TAS2R1: variants seen among roughly 807,000 people sequenced by gnomAD.
TAS2R1 encodes taste receptor type 2 member 1.
For synonymous variants in TAS2R1, 141 were observed against 134.2 expected (o/e 1.05, Z -0.35); for missense variants, 370 against 353.4 (o/e 1.05, Z -0.38).
chr5:9,782,363 T>A, the TAS2R1 span, among the ~76,000 whole-genome samples: 1 of 148,044 alleles, frequency 6.8e-6, no homozygotes, highest in East Asian at 2.0e-4. Context: ...AGCCACAGTA[T>A]CCAGTTTACT....
At chr5:9,848,727 T>TAC in the TAS2R1 span, among the ~76,000 whole-genome samples, 1 of 110,672 alleles carries the variant, frequency 9.0e-6, no homozygotes, top group Non-Finnish European at 2.0e-5. Context: ...ATTTGTCAAT[T>TAC]ATATATATAT....
intron 1 of TAS2R1, among the ~76,000 whole-genome samples, chr5:9,698,811 C>T (rs1157928432): frequency 6.6e-6 from 1 of 152,212 alleles, no homozygotes; most frequent in Non-Finnish European, 1.5e-5. Context: ...ACACCAGAAA[C>T]TTCACGAAAG....
the TAS2R1 span, among the ~76,000 whole-genome samples, chr5:9,761,249 T>G: frequency 6.6e-6 from 1 of 152,232 alleles, no homozygotes; most frequent in African/African-American, 2.4e-5. Context: ...CTCTGAGAAT[T>G]AATAAGCCTC....
chr5:9,697,817 G>A (rs1025508857), intron 1 of TAS2R1, among the ~76,000 whole-genome samples: 1 of 151,812 alleles, frequency 6.6e-6, no homozygotes, highest in African/African-American at 2.4e-5. Flanking sequence ...AGACATTCTG[G>A]TTAAAATCAG....
At chr5:9,827,894 T>C in the TAS2R1 span, among the ~76,000 whole-genome samples, 1 of 152,228 alleles carries the variant, frequency 6.6e-6, no homozygotes, top group East Asian at 1.9e-4. Flanking sequence ...TACTTATATT[T>C]CAAACAAATT....
intron 1 of TAS2R1, among the ~76,000 whole-genome samples, chr5:9,711,049 T>C (rs1741725696): frequency 6.6e-6 from 1 of 150,950 alleles, no homozygotes; most frequent in Non-Finnish European, 1.5e-5. Context: ...CCTTGTGCAT[T>C]GTTGATGGGA....
chr5:9,802,844 A>G, the TAS2R1 span, among the ~76,000 whole-genome samples: 10 of 152,314 alleles, frequency 6.6e-5, no homozygotes, highest in African/African-American at 1.9e-4. Context: ...CAGAGCTTGC[A>G]GTGAGCCGAG....
chr5:9,637,718 T>C (rs924936279), intron 2 of TAS2R1, among the ~76,000 whole-genome samples: 1 of 152,166 alleles, frequency 6.6e-6, no homozygotes, highest in Non-Finnish European at 1.5e-5. Context: ...TTCTGTTCTA[T>C]ATTTAAAATT....
the TAS2R1 span, among the ~76,000 whole-genome samples, chr5:9,843,153 C>A: frequency 2.0e-5 from 3 of 152,108 alleles, no homozygotes; most frequent in South Asian, 4.1e-4. Context: ...AAGTAGCTCA[C>A]AGAATGTTGG....
intron 1 of TAS2R1, among the ~76,000 whole-genome samples, chr5:9,674,139 T>C (rs998557146): frequency 8.5e-5 from 13 of 152,190 alleles, no homozygotes; most frequent in African/African-American, 2.2e-4. Flanking sequence ...CATAGACATA[T>C]ATGTAACAAA....
chr5:9,842,928 T>C, the TAS2R1 span, among the ~76,000 whole-genome samples: 1 of 152,122 alleles, frequency 6.6e-6, no homozygotes, highest in African/African-American at 2.4e-5. Flanking sequence ...ACAAATAGCT[T>C]GAGGAAGAAA....
the TAS2R1 span, among the ~76,000 whole-genome samples, chr5:9,776,775 A>G: frequency 6.6e-6 from 1 of 152,188 alleles, no homozygotes; most frequent in Non-Finnish European, 1.5e-5. Flanking sequence ...ACAGTCGTCT[A>G]TGTTGACACA....
chr5:9,725,807 C>G, the TAS2R1 span, among the ~76,000 whole-genome samples: 2 of 152,224 alleles, frequency 1.3e-5, no homozygotes, highest in South Asian at 4.1e-4. Context: ...CTGGTGGGGA[C>G]GTGGAGAACC....
the TAS2R1 span, among the ~76,000 whole-genome samples, chr5:9,796,393 C>T: frequency 6.6e-6 from 1 of 152,128 alleles, no homozygotes; most frequent in Non-Finnish European, 1.5e-5. Flanking sequence ...CCTATAGCTT[C>T]AGGGTAGGGA....
At chr5:9,854,115 G>C in the TAS2R1 span, among the ~76,000 whole-genome samples, 5 of 152,136 alleles carry the variant, frequency 3.3e-5, no homozygotes, top group Non-Finnish European at 5.9e-5. Context: ...AGACTGTGAG[G>C]GAGAATCTGC....
chr5:9,898,229 A>G, the TAS2R1 span, among the ~76,000 whole-genome samples: 1 of 152,198 alleles, frequency 6.6e-6, no homozygotes, highest in African/African-American at 2.4e-5. Context: ...TCCTATTATC[A>G]GTGGGGAAAA....
the TAS2R1 span, among the ~76,000 whole-genome samples, chr5:9,805,987 T>C: frequency 6.6e-6 from 1 of 152,038 alleles, no homozygotes; most frequent in Non-Finnish European, 1.5e-5. Flanking sequence ...TGATTCTATA[T>C]CTAGAAAACT....
chr5:9,814,880 A>G, the TAS2R1 span, among the ~76,000 whole-genome samples: 3 of 152,168 alleles, frequency 2.0e-5, no homozygotes, highest in African/African-American at 7.2e-5. Flanking sequence ...TTATCTCATT[A>G]CTGAGTGTAA....
chr5:9,881,772 T>C, the TAS2R1 span, among the ~76,000 whole-genome samples: 3 of 152,198 alleles, frequency 2.0e-5, no homozygotes, highest in Non-Finnish European at 1.5e-5. Flanking sequence ...ATTTCCTATT[T>C]AATAAATGAT....
Sources: allele counts gnomAD v4.1 joint callset (sites outside exome capture counted in the v4.1 genomes callset), GRCh38; gene constraint gnomAD v4.1.1; transcripts MANE v1.5; gene names NCBI Gene and HGNC (gene_info 2026-07-23, HGNC 2026-07-21).